The following INPP4B variants were observed in gnomAD, a reference collection of about 807,000 sequenced individuals.
The protein encoded by INPP4B is inositol polyphosphate-4-phosphatase type II B, also known as inositol polyphosphate 4-phosphatase type II.
INPP4B carries 55 observed loss-of-function variants against 122.5 expected under a neutral mutation model. That is an observed-to-expected ratio of 0.45 (90% confidence interval 0.36 to 0.56). INPP4B has a LOEUF of 0.56. Among genes scored for constraint, INPP4B ranks in the 20% least tolerant of loss-of-function variants. The pLI is 0.00. For missense variants in INPP4B, 1,000 were observed against 1,097.7 expected, an observed-to-expected ratio of 0.91 and a Z score of 1.26; for synonymous variants, 403 against 388.7, an observed-to-expected ratio of 1.04 and a Z score of -0.43.
chr4:142,512,193 A>G (rs1202926868), intron 2 of INPP4B, among the ~76,000 whole-genome samples: 1 of 152,186 alleles, frequency 6.6e-6, no homozygotes, highest in East Asian at 1.9e-4. Context: ...ATCTTGAAAT[A>G]AAATCCCATG....
At chr4:142,099,046 AT>A (rs1170445976) in intron 23 of INPP4B, among the ~76,000 whole-genome samples, 1 of 152,146 alleles carries the variant, frequency 6.6e-6, no homozygotes, top group African/African-American at 2.4e-5. Flanking sequence ...AGAAATAACT[AT>A]GTCACACTTG....
intron 2 of INPP4B, among the ~76,000 whole-genome samples, chr4:142,534,296 T>C (rs1384386779): frequency 6.6e-6 from 1 of 152,130 alleles, no homozygotes; most frequent in Non-Finnish European, 1.5e-5. Context: ...CTTCAAAATT[T>C]ACGTTGAAAC....
At chr4:142,472,144 T>A (rs1818946955) in intron 2 of INPP4B, among the ~76,000 whole-genome samples, 1 of 152,156 alleles carries the variant, frequency 6.6e-6, no homozygotes, top group Admixed American at 6.5e-5. Context: ...TGAACATTTC[T>A]AGGAATTCTT....
intron 2 of INPP4B, among the ~76,000 whole-genome samples, chr4:142,545,808 C>CATATATATGTGTGTAT (rs1208267611): frequency 3.9e-4 from 31 of 80,156 alleles, no homozygotes; most frequent in African/African-American, 1.0e-3. Flanking sequence ...TATATATACA[C>CATATATATGTGTGTAT]ATATACATGT....
At chr4:142,691,987 C>CA (rs1294103205) in intron 2 of INPP4B, among the ~76,000 whole-genome samples, 2 of 152,086 alleles carry the variant, frequency 1.3e-5, no homozygotes, top group Non-Finnish European at 2.9e-5. Context: ...AGAATGTTCC[C>CA]AAAACAGAAT....
chr4:142,601,346 A>G (rs929685767), intron 2 of INPP4B, among the ~76,000 whole-genome samples: 1 of 152,130 alleles, frequency 6.6e-6, no homozygotes, highest in Non-Finnish European at 1.5e-5. Flanking sequence ...TTAAAATCAT[A>G]TCAAGTAATT....
intron 2 of INPP4B, among the ~76,000 whole-genome samples, chr4:142,475,700 A>T (rs1819680856): frequency 6.6e-6 from 1 of 152,236 alleles, no homozygotes; most frequent in Non-Finnish European, 1.5e-5. Flanking sequence ...TTATAGTACA[A>T]TTGCAAGTAT....
At chr4:142,327,871 G>T (rs1773009861) in intron 7 of INPP4B, among the ~76,000 whole-genome samples, 1 of 152,178 alleles carries the variant, frequency 6.6e-6, no homozygotes, top group Non-Finnish European at 1.5e-5. Context: ...CTAGTAAGTG[G>T]AGGAGGGAAT....
chr4:142,123,188 CA>C, intron 20 of INPP4B, 103 bp downstream of exon 20: 1 of 928,510 alleles, frequency 1.1e-6, no homozygotes, highest in Non-Finnish European at 1.5e-6. Context: ...TAATACTTGG[CA>C]CAATAAAGGT....
chr4:142,070,998 T>C (rs1045493640), intron 25 of INPP4B, among the ~76,000 whole-genome samples: 1 of 152,160 alleles, frequency 6.6e-6, no homozygotes, highest in Non-Finnish European at 1.5e-5. Flanking sequence ...TTAAAGTTTA[T>C]ATAGAACCAA....
intron 1 of INPP4B, among the ~76,000 whole-genome samples, chr4:142,737,083 A>G (rs1444350825): frequency 6.6e-6 from 1 of 152,144 alleles, no homozygotes; most frequent in African/African-American, 2.4e-5. Context: ...GCTACAAATG[A>G]CTTTCTTCAC....
rs756121032 is a variant in INPP4B at position 142,124,677 on chromosome 4, G to A, written c.1804C>T (p.Leu602=). 4 of 1,613,112 alleles carry A rather than the reference G, an allele frequency of 2.5e-6. No homozygotes were observed. Among genetic ancestry groups the A allele is most frequent in the Non-Finnish European group, 3.4e-6 (4 of 1,179,484 alleles). ...GEVVNRAKQS[L]TFVLLQELAY... ...AGTTCCTGAAGGAGCACAAATGTCA[G>A]GGACTGCTTGGCTCGGTTCACCACT... is the stretch of plus-strand genomic sequence containing the variant. Residue 602 remains leucine (L), a synonymous_variant, in exon 19 of 26, where the codon CTG becomes TTG. Transcript: ENST00000262992.
intron 1 of INPP4B, among the ~76,000 whole-genome samples, chr4:142,726,243 G>A (rs990131069): frequency 9.2e-5 from 14 of 152,206 alleles, no homozygotes; most frequent in African/African-American, 3.4e-4. Context: ...TGTAAGCAAT[G>A]TCAGGACAGA....
intron 2 of INPP4B, among the ~76,000 whole-genome samples, chr4:142,603,974 C>G (rs1202490118): frequency 1.3e-5 from 2 of 151,842 alleles, no homozygotes; most frequent in Non-Finnish European, 2.9e-5. Context: ...GCAAAAAATC[C>G]TCAATGAAGT....
intron 2 of INPP4B, among the ~76,000 whole-genome samples, chr4:142,591,454 A>G (rs1402480160): frequency 6.6e-6 from 1 of 152,152 alleles, no homozygotes; most frequent in Non-Finnish European, 1.5e-5. Flanking sequence ...ATCCATACTG[A>G]TATAAATAAA....
chr4:142,081,618 T>C (rs1773937933), intron 25 of INPP4B, among the ~76,000 whole-genome samples: 1 of 152,164 alleles, frequency 6.6e-6, no homozygotes, highest in Non-Finnish European at 1.5e-5. Context: ...GTTTGGATAA[T>C]GAGTTAGTTT....
intron 2 of INPP4B, among the ~76,000 whole-genome samples, chr4:142,499,411 C>T (rs1036812461): frequency 1.1e-4 from 17 of 152,084 alleles, no homozygotes; most frequent in African/African-American, 1.9e-4. Context: ...AAGAAACTCA[C>T]GAAGTCACAA....
chr4:142,384,477 C>A (rs893591235), intron 7 of INPP4B, among the ~76,000 whole-genome samples: 1 of 152,132 alleles, frequency 6.6e-6, no homozygotes, highest in Non-Finnish European at 1.5e-5. Context: ...CTGAATACTG[C>A]AGGCAATTGT....
At chr4:142,840,954 A>T (rs1317283007) in intron 1 of INPP4B, among the ~76,000 whole-genome samples, 1 of 152,102 alleles carries the variant, frequency 6.6e-6, no homozygotes, top group Non-Finnish European at 1.5e-5. Flanking sequence ...AATATAAAAA[A>T]TTGCAAGTCT....
Sources: allele counts gnomAD v4.1 joint callset (sites outside exome capture counted in the v4.1 genomes callset), GRCh38; gene constraint gnomAD v4.1.1; transcripts MANE v1.5; gene names NCBI Gene and HGNC (gene_info 2026-07-23, HGNC 2026-07-21).